Variants in PRDM5 observed in about 807,000 individuals in gnomAD.
PRDM5 encodes PR/SET domain 5, also known as PR domain zinc finger protein 5.
A neutral mutation model predicts 81.2 loss-of-function variants in PRDM5; 56 were observed. That is an observed-to-expected ratio of 0.69 (90% CI 0.56 to 0.86). The LOEUF is 0.86. Among genes scored for constraint, PRDM5 ranks in the 40% least tolerant of loss-of-function variants. The probability of loss-of-function intolerance (pLI) is 0.00; values close to 1 mark genes in which losing one functional copy is unlikely to be tolerated. For missense variants in PRDM5, 697 were observed against 770.1 expected (o/e 0.91, Z 1.12); for synonymous variants, 267 against 256.4 (o/e 1.04, Z -0.39).
At chr4:120,823,156 A>T (rs1755513222) in intron 3 of PRDM5, among the ~76,000 whole-genome samples, 1 of 152,186 alleles carries the variant, frequency 6.6e-6, no homozygotes, top group African/African-American at 2.4e-5. Context: ...ATATCCATGA[A>T]AGTTAATTGA....
intron 8 of PRDM5, among the ~76,000 whole-genome samples, chr4:120,801,878 A>G (rs1752159787): frequency 7.2e-6 from 1 of 138,646 alleles, no homozygotes; most frequent in African/African-American, 2.5e-5. Flanking sequence ...ATGTTTCTGT[A>G]ATATATATAA....
intron 2 of PRDM5, among the ~76,000 whole-genome samples, chr4:120,906,820 A>T (rs1038763958): frequency 2.0e-5 from 3 of 152,202 alleles, no homozygotes; most frequent in Non-Finnish European, 4.4e-5. Flanking sequence ...ATACAATTAG[A>T]ACTTCAACTA....
chr4:120,849,977 TA>T (rs1184593544), intron 3 of PRDM5, among the ~76,000 whole-genome samples: 1 of 152,092 alleles, frequency 6.6e-6, no homozygotes, highest in African/African-American at 2.4e-5. Flanking sequence ...ACTGTTTGCT[TA>T]CTAGATCCGT....
chr4:120,786,390 G>C (rs1235401016), intron 10 of PRDM5, among the ~76,000 whole-genome samples: 1 of 151,602 alleles, frequency 6.6e-6, no homozygotes, highest in Non-Finnish European at 1.5e-5. Context: ...GAAATACATA[G>C]ATCAATAAAA....
chr4:120,740,951 T>C (rs1232329921), intron 14 of PRDM5, among the ~76,000 whole-genome samples: 1 of 152,186 alleles, frequency 6.6e-6, no homozygotes, highest in Non-Finnish European at 1.5e-5. Context: ...AGGCCACCCT[T>C]ACTGTATCTG....
At chr4:120,764,535 G>T (rs1746098318) in intron 13 of PRDM5, among the ~76,000 whole-genome samples, 1 of 151,854 alleles carries the variant, frequency 6.6e-6, no homozygotes, top group Non-Finnish European at 1.5e-5. Context: ...TAAGTTGTTA[G>T]ATATACTTGT....
At chr4:120,835,977 G>A (rs1162252650) in intron 3 of PRDM5, among the ~76,000 whole-genome samples, 1 of 152,076 alleles carries the variant, frequency 6.6e-6, no homozygotes, top group African/African-American at 2.4e-5. Flanking sequence ...AATGAGGGCA[G>A]AACTAGTGAC....
In PRDM5 at chr4:120,821,196, T is replaced by C; in HGVS notation, c.450A>G (p.Arg150=). The change falls in exon 4 of 16, where the codon AGA becomes AGG. Residue 150 remains arginine (R), a synonymous_variant. Transcript: ENST00000264808. ...CTTTTCTGCCCGCTGTTGATTGTCTTCTAGAATTTTCAACTTCCCCTTCTT... is the reference window on the plus strand; with the variant it reads ...CTTTTCTGCCCGCTGTTGATTGTCTCCTAGAATTTTCAACTTCCCCTTCTT... ...VIKEGEVENS[R]RQSTAGRKDR... 6.2e-7 allele frequency: 1 copy of C among 1,614,180 alleles called. No individual in the cohort carries two copies. The highest frequency in any genetic ancestry group is 1.3e-5 in the African/African-American group (1 of 75,056).
chr4:120,714,191 G>A (rs531971008), intron 14 of PRDM5, among the ~76,000 whole-genome samples: 56 of 152,186 alleles, frequency 3.7e-4, no homozygotes, highest in African/African-American at 1.3e-3. Flanking sequence ...GCTTTTTTAT[G>A]TATCTGATTT....
At chr4:120,761,414 C>T (rs935921432) in intron 13 of PRDM5, among the ~76,000 whole-genome samples, 1 of 152,136 alleles carries the variant, frequency 6.6e-6, no homozygotes, top group African/African-American at 2.4e-5. Flanking sequence ...AAATCAAATC[C>T]TAGTTTAATA....
chr4:120,767,246 G>A (rs192274787), intron 13 of PRDM5, among the ~76,000 whole-genome samples: 4 of 152,198 alleles, frequency 2.6e-5, no homozygotes, highest in Admixed American at 2.0e-4. Context: ...CGTTAGTCAT[G>A]AGCCAATTAA....
At chr4:120,739,884 G>A (rs549167476) in intron 14 of PRDM5, among the ~76,000 whole-genome samples, 2 of 152,128 alleles carry the variant, frequency 1.3e-5, no homozygotes, top group South Asian at 4.2e-4. Flanking sequence ...AGAATAGAGG[G>A]CACTCTGCCA....
At chr4:120,899,521 A>G (rs1765014863) in intron 2 of PRDM5, among the ~76,000 whole-genome samples, 1 of 152,168 alleles carries the variant, frequency 6.6e-6, no homozygotes, top group Non-Finnish European at 1.5e-5. Flanking sequence ...GGTACTTAGA[A>G]AATTATTGCA....
At position 120,824,387 on chromosome 4, in the gene PRDM5, A is replaced by G. The variant is rs61648672; in HGVS notation, c.301-3042T>C. ...TGGACGCCTTGTATATACACTTAAG[A>G]TGAGCCACATTCCTGTGACTCTGCC... is the stretch of plus-strand genomic sequence containing the variant. On this transcript the variant is annotated intron_variant, in intron 3 of 15. Transcript: ENST00000264808. Among the ~76,000 whole-genome samples, 1,310 of 152,288 alleles carry G rather than the reference A, an allele frequency of 8.6e-3. 21 individuals carry two copies. The highest frequency in any genetic ancestry group is 0.03 in the African/African-American group (1,241 of 41,546).
intron 3 of PRDM5, chr4:120,839,094 G>A: frequency 1.7e-6 from 1 of 605,060 alleles, no homozygotes; most frequent in Non-Finnish European, 3.0e-6. Flanking sequence ...AGGAACTGCA[G>A]CACCCCAAAG....
intron 8 of PRDM5, among the ~76,000 whole-genome samples, chr4:120,809,928 T>C (rs1753587454): frequency 6.6e-6 from 1 of 151,882 alleles, no homozygotes; most frequent in South Asian, 2.1e-4. Context: ...CATAGGAGTG[T>C]CTGATGCCTG....
intron 2 of PRDM5, among the ~76,000 whole-genome samples, chr4:120,860,122 C>CACA (rs1333091234): frequency 2.6e-5 from 4 of 152,166 alleles, no homozygotes; most frequent in Non-Finnish European, 5.9e-5. Context: ...GACACAAAGA[C>CACA]AAGTATAACT....
At chr4:120,795,623 T>G (rs1751239333) in intron 10 of PRDM5, among the ~76,000 whole-genome samples, 1 of 151,698 alleles carries the variant, frequency 6.6e-6, no homozygotes, top group Admixed American at 6.6e-5. Flanking sequence ...AAAATTTCTC[T>G]ATATGCTGGC....
chr4:120,753,036 A>G (rs557819510), intron 14 of PRDM5, among the ~76,000 whole-genome samples: 1 of 152,306 alleles, frequency 6.6e-6, no homozygotes, highest in African/African-American at 2.4e-5. Context: ...TCCTGCAGTG[A>G]TTTAAACAGC....
Sources: gnomAD v4.1 joint callset for allele counts (sites outside exome capture counted in the v4.1 genomes callset) on GRCh38, gnomAD v4.1.1 for gene constraint, MANE v1.5 for transcripts, NCBI Gene and HGNC (gene_info 2026-07-23, HGNC 2026-07-21) for gene names.